BCAT1: variants seen among roughly 807,000 people sequenced by gnomAD.
BCAT1 encodes the protein branched chain amino acid transaminase 1.
BCAT1 carries 48 observed loss-of-function variants against 52.4 expected under a neutral mutation model. That is an observed-to-expected ratio of 0.92 (90% confidence interval 0.73 to 1.16). The LOEUF (loss-of-function observed/expected upper bound fraction) is 1.16, where lower values mean the gene tolerates loss of function less well. Among genes scored for constraint, BCAT1 ranks in the 50% most tolerant of loss-of-function variants. The pLI is 0.00. For missense variants in BCAT1, 451 were observed against 457.1 expected (o/e 0.99, Z 0.12); for synonymous variants, 167 against 161.3 (o/e 1.04, Z -0.27).
intron 2 of BCAT1, among the ~76,000 whole-genome samples, chr12:24,899,608 A>G (rs1005857159): frequency 6.6e-5 from 10 of 152,238 alleles, no homozygotes; most frequent in Non-Finnish European, 1.5e-5. Flanking sequence ...CACTATTCAC[A>G]ATAGTCAAGA....
chr12:24,862,629 C>T (rs560911611), intron 5 of BCAT1, among the ~76,000 whole-genome samples: 1 of 152,286 alleles, frequency 6.6e-6, no homozygotes, highest in East Asian at 1.9e-4. Context: ...GCCACCCCTT[C>T]GTGAATACTA....
chr12:24,827,782 ACT>A (rs749266146), intron 10 of BCAT1, among the ~76,000 whole-genome samples: 24 of 152,176 alleles, frequency 1.6e-4, no homozygotes, highest in Non-Finnish European at 1.0e-4. Context: ...ACAGAGTAAG[ACT>A]CTGTCTCAAA....
At chr12:24,846,681 T>G (rs974511225) in intron 6 of BCAT1, among the ~76,000 whole-genome samples, 3 of 152,230 alleles carry the variant, frequency 2.0e-5, no homozygotes, top group Non-Finnish European at 2.9e-5. Context: ...TTTAAAACTT[T>G]GAAATGCTCT....
chr12:24,926,132 T>C (rs1237103178), intron 1 of BCAT1, among the ~76,000 whole-genome samples: 1 of 150,970 alleles, frequency 6.6e-6, no homozygotes, highest in Non-Finnish European at 1.5e-5. Flanking sequence ...TGCCATCCCG[T>C]CTAGGAAGTG....
intron 7 of BCAT1, among the ~76,000 whole-genome samples, chr12:24,841,340 T>A (rs1363866515): frequency 6.6e-6 from 1 of 152,180 alleles, no homozygotes; most frequent in African/African-American, 2.4e-5. Context: ...ACAAAATCCT[T>A]CCAGTAGAAT....
intron 2 of BCAT1, among the ~76,000 whole-genome samples, chr12:24,895,281 C>T (rs1435813271): frequency 6.6e-6 from 1 of 152,116 alleles, no homozygotes; most frequent in Non-Finnish European, 1.5e-5. Flanking sequence ...GAGACCAGCA[C>T]TTTGGGAAGC....
Position 24,849,917 on chromosome 12 carries a change from G to A in BCAT1, c.543C>T (p.Ala181=), listed in dbSNP as rs1280466437. 1.2e-6 allele frequency: 2 copies of A among 1,612,004 alleles called. No homozygotes were observed. The highest frequency in any genetic ancestry group is 2.7e-5 in the African/African-American group (2 of 74,884). ...CTGGGCTCAAGAGTACAAAGAGCAG[G>A]GCTTTGGTAGGCTTCTTGACTCCAA... ...PSLGVKKPTK[A]LLFVLLSPVG... Residue 181 remains alanine, a synonymous_variant, in exon 6 of 11, where the codon GCC becomes GCT. Transcript: ENST00000261192.
chr12:24,844,052 G>A (rs1941258477), intron 6 of BCAT1, among the ~76,000 whole-genome samples: 1 of 152,140 alleles, frequency 6.6e-6, no homozygotes, highest in Admixed American at 6.5e-5. Context: ...AAGAAAAAGG[G>A]GGATGTGCAA....
At chr12:24,941,385 T>TA (rs979449254) in intron 1 of BCAT1, among the ~76,000 whole-genome samples, 11 of 152,354 alleles carry the variant, frequency 7.2e-5, no homozygotes, top group African/African-American at 2.6e-4. Flanking sequence ...ACCGTGTAAA[T>TA]ACTTTACTGT....
intron 1 of BCAT1, among the ~76,000 whole-genome samples, chr12:24,910,035 T>C (rs1943291622): frequency 6.6e-6 from 1 of 152,158 alleles, no homozygotes; most frequent in African/African-American, 2.4e-5. Flanking sequence ...TGACTCAGAC[T>C]GCTCAGCCGG....
intron 6 of BCAT1, among the ~76,000 whole-genome samples, 157 bp downstream of exon 6, chr12:24,849,629 G>A (rs1336982664): frequency 2.0e-5 from 3 of 152,158 alleles, no homozygotes; most frequent in African/African-American, 7.2e-5. Flanking sequence ...AGCTACTACA[G>A]CTGGCTTGCT....
chr12:24,856,738 T>C (rs1368527313), intron 5 of BCAT1, among the ~76,000 whole-genome samples: 1 of 152,212 alleles, frequency 6.6e-6, no homozygotes, highest in East Asian at 1.9e-4. Context: ...TATTCTATTA[T>C]GGCAGCCCTA....
At chr12:24,936,712 A>ATCTCTC (rs112458468) in intron 1 of BCAT1, among the ~76,000 whole-genome samples, 22,246 of 112,186 alleles carry the variant, frequency 0.2, 3,158 homozygotes, top group South Asian at 0.47. Flanking sequence ...TTAAATCTCA[A>ATCTCTC]TCTCTCTCTC....
chr12:24,867,472 T>C (rs1942057300), intron 5 of BCAT1, among the ~76,000 whole-genome samples: 1 of 152,062 alleles, frequency 6.6e-6, no homozygotes, highest in African/African-American at 2.4e-5. Context: ...TGATGATACT[T>C]CCAGTGGCTA....
intron 5 of BCAT1, among the ~76,000 whole-genome samples, chr12:24,869,901 T>C (rs917940245): frequency 6.6e-6 from 1 of 152,218 alleles, no homozygotes; most frequent in African/African-American, 2.4e-5. Flanking sequence ...TGTTTTAAAA[T>C]TTTTGAGTAG....
chr12:24,824,595 C>T (rs574437615), intron 10 of BCAT1, among the ~76,000 whole-genome samples: 4 of 152,116 alleles, frequency 2.6e-5, no homozygotes, highest in Non-Finnish European at 5.9e-5. Flanking sequence ...CCATCATGCC[C>T]ACCTAAATGT....
intron 1 of BCAT1, among the ~76,000 whole-genome samples, chr12:24,941,556 T>G (rs1253663858): frequency 6.6e-6 from 1 of 152,212 alleles, no homozygotes; most frequent in Non-Finnish European, 1.5e-5. Flanking sequence ...GGCTCTCGAT[T>G]TAACTCAACC....
chr12:24,929,588 T>C (rs892770641), intron 1 of BCAT1, among the ~76,000 whole-genome samples: 19 of 152,198 alleles, frequency 1.2e-4, no homozygotes, highest in African/African-American at 4.6e-4. Flanking sequence ...GGGAGAAGAT[T>C]GGACAGGTAG....
chr12:24,815,942 TA>T lies in BCAT1; in HGVS notation c.*2065del, dbSNP rs1939858775. 6.6e-6 allele frequency: 1 copy of T among 152,174 alleles called. No homozygotes were observed. The highest frequency in any genetic ancestry group is 1.5e-5 in the Non-Finnish European group (1 of 68,022). The allele number at this position is 152,174 out of a possible 1,614,324, so 9.4% of individuals were successfully genotyped here. ...GTTTAAATTACCTGCAACTTTTTCC[TA>T]GACTACTATATGAAGAATGAGGTCA... is the stretch of plus-strand genomic sequence containing the variant. On this transcript the variant is annotated 3_prime_UTR_variant, in exon 11 of 11. Transcript: ENST00000261192.
Sources: allele counts gnomAD v4.1 joint callset (sites outside exome capture counted in the v4.1 genomes callset), GRCh38; gene constraint gnomAD v4.1.1; transcripts MANE v1.5; gene names NCBI Gene and HGNC (gene_info 2026-07-23, HGNC 2026-07-21).